Variants in ADGRV1 observed in about 807,000 individuals in gnomAD.
ADGRV1 encodes adhesion G protein-coupled receptor V1.
A neutral mutation model predicts 596.2 loss-of-function variants in ADGRV1; 359 were observed. The observed-to-expected ratio is 0.60, with a 90% confidence interval of 0.55 to 0.66. The LOEUF (loss-of-function observed/expected upper bound fraction) is 0.66. Ranked by LOEUF, ADGRV1 falls within the 30% of genes least tolerant of loss-of-function variation. ADGRV1 has a pLI of 0.00. For missense variants in ADGRV1, 7,274 were observed against 7,575.6 expected (o/e 0.96, Z 1.48); for synonymous variants, 2,681 against 2,679.2 (o/e 1.00, Z -0.02).
At chr5:90,652,226 A>C in intron 18 of ADGRV1, 120 bp from the exon 19 acceptor site, 14 of 581,662 alleles carry the variant, frequency 2.4e-5, no homozygotes, top group Non-Finnish European at 3.7e-5. Context: ...GCCTCGTAGA[A>C]CCAGCTGGTT....
chr5:90,916,808 A>AT (rs373000989), intron 83 of ADGRV1, among the ~76,000 whole-genome samples: 44,776 of 142,542 alleles, frequency 0.31, 6,958 homozygotes, highest in Non-Finnish European at 0.35. Context: ...AATTTTTTGT[A>AT]TTTTTAGTAG....
intron 21 of ADGRV1, among the ~76,000 whole-genome samples, chr5:90,665,221 C>T (rs1014218634): frequency 1.3e-5 from 2 of 151,960 alleles, no homozygotes; most frequent in Admixed American, 6.6e-5. Flanking sequence ...TGGTAGAATT[C>T]GGCTGTGAAT....
chr5:90,769,765 T>C (rs1407189655), intron 59 of ADGRV1, among the ~76,000 whole-genome samples: 1 of 152,200 alleles, frequency 6.6e-6, no homozygotes, highest in Non-Finnish European at 1.5e-5. Flanking sequence ...ATATATACAT[T>C]TAAAAAATTT....
At chr5:90,713,101 A>G (rs1303135692) in intron 42 of ADGRV1, among the ~76,000 whole-genome samples, 1 of 152,082 alleles carries the variant, frequency 6.6e-6, no homozygotes, top group East Asian at 1.9e-4. Context: ...AGCCAAATGA[A>G]TTTCAAGGAT....
At chr5:90,957,910 G>C (rs1777624964) in intron 83 of ADGRV1, among the ~76,000 whole-genome samples, 1 of 151,718 alleles carries the variant, frequency 6.6e-6, no homozygotes, top group Non-Finnish European at 1.5e-5. Context: ...TACAATGTTA[G>C]CAAGTCAAAA....
chr5:90,989,167 C>T (rs374400475), intron 85 of ADGRV1, among the ~76,000 whole-genome samples: 2 of 151,762 alleles, frequency 1.3e-5, no homozygotes, highest in Non-Finnish European at 2.9e-5. Context: ...GTAATGGGAT[C>T]GCTGGGTCAA....
chr5:91,035,119 T>C (rs1314284444), intron 85 of ADGRV1, among the ~76,000 whole-genome samples: 1 of 152,170 alleles, frequency 6.6e-6, no homozygotes, highest in Non-Finnish European at 1.5e-5. Context: ...TTGCAATGGC[T>C]CTGTTTCTCC....
intron 1 of ADGRV1, among the ~76,000 whole-genome samples, chr5:90,590,085 A>G (rs1033336997): frequency 1.3e-5 from 2 of 152,306 alleles, no homozygotes; most frequent in Middle Eastern, 3.4e-3. Context: ...TTATTATTTT[A>G]AATAATTATA....
At position 90,777,825 on chromosome 5, in the gene ADGRV1, C is replaced by T. The variant is rs567812860; in HGVS notation, c.12528-80C>T. 4.8e-5 allele frequency: 60 copies of T among 1,244,868 alleles called. No individual in the cohort carries two copies. The Middle Eastern group carries it at 1.4e-3, about 29-fold the overall frequency. 77.1% of individuals were successfully genotyped at this position (1,244,868 alleles called of 1,614,324 possible). ...TATTGAAATGGATGAAAATTGATTA[C>T]TGTTAAAAGACAGAGAAAATGTTTA... On this transcript the variant is annotated intron_variant, in intron 61 of 89. Transcript: ENST00000405460.
intron 87 of ADGRV1, among the ~76,000 whole-genome samples, chr5:91,140,555 T>G (rs6873467): frequency 0.21 from 32,081 of 152,082 alleles, 4,477 homozygotes; most frequent in African/African-American, 0.39. Context: ...CAGTTTTTAT[T>G]AAAACTTTTT....
chr5:91,133,679 C>T (rs776515832), intron 87 of ADGRV1, among the ~76,000 whole-genome samples: 12 of 152,146 alleles, frequency 7.9e-5, no homozygotes, highest in Admixed American at 2.6e-4. Context: ...CATACATAAA[C>T]GCAATGAGAT....
intron 83 of ADGRV1, among the ~76,000 whole-genome samples, chr5:90,925,381 C>G (rs1178749070): frequency 2.0e-5 from 3 of 151,680 alleles, no homozygotes; most frequent in Admixed American, 6.6e-5. Flanking sequence ...GTATTTTATT[C>G]TCTTTGAAGC....
At chr5:90,954,259 C>G (rs1777290060) in intron 83 of ADGRV1, among the ~76,000 whole-genome samples, 1 of 150,208 alleles carries the variant, frequency 6.7e-6, no homozygotes, top group Non-Finnish European at 1.5e-5. Context: ...CCTTAAAGCA[C>G]TTTGCTAATG....
chr5:90,615,552 A>G lies in ADGRV1; in HGVS notation c.207+533A>G, dbSNP rs73181603. ...ATTGTGTGTGCATAAGTATGTGTCT[A>G]TTTTTAACCAGAAAGTTATGTCATG... On this transcript the variant is annotated intron_variant, in intron 2 of 89. Transcript: ENST00000405460. 7.8e-3 allele frequency among the ~76,000 whole-genome samples: 1,184 copies of G among 152,040 alleles called. 10 individuals carry two copies. Among genetic ancestry groups the G allele is most frequent in the African/African-American group, 0.02 (822 of 41,550 alleles).
chr5:90,852,479 T>C (rs954475433), intron 79 of ADGRV1, among the ~76,000 whole-genome samples: 4 of 152,318 alleles, frequency 2.6e-5, no homozygotes, highest in African/African-American at 9.6e-5. Flanking sequence ...TCTGTGTGTC[T>C]CCTGATTGTT....
At chr5:90,611,125 C>T (rs1762683689) in intron 1 of ADGRV1, among the ~76,000 whole-genome samples, 2 of 151,820 alleles carry the variant, frequency 1.3e-5, no homozygotes, top group South Asian at 4.2e-4. Flanking sequence ...CAGGGCGTTG[C>T]ATGATGTACA....
In ADGRV1 at chr5:90,711,164, G is replaced by GT. The variant is rs769882518; in HGVS notation, c.8904-13dup. The GT allele has an allele frequency of 1.2e-5, 19 of 1,587,688 alleles. No individual in the cohort carries two copies. Among genetic ancestry groups the GT allele is most frequent in the South Asian group, 1.2e-5 (1 of 85,534 alleles). ...AAATTAATTTTTTTTGTTTGTTTTT[G>GT]TTTTTTTGCTATATTATAGGTTTGA... On this transcript the variant is annotated intron_variant, in intron 40 of 89. Transcript: ENST00000405460.
At chr5:90,693,137 G>GTTTTTTTTTTTT (rs138813234) in intron 32 of ADGRV1, among the ~76,000 whole-genome samples, 7 of 131,766 alleles carry the variant, frequency 5.3e-5, no homozygotes, top group African/African-American at 5.8e-5. Flanking sequence ...TTCCAGGTCT[G>GTTTTTTTTTTTT]TTTTTTTTTT....
intron 50 of ADGRV1, among the ~76,000 whole-genome samples, chr5:90,735,351 C>G (rs1182493100): frequency 6.6e-6 from 1 of 152,176 alleles, no homozygotes; most frequent in Non-Finnish European, 1.5e-5. Context: ...TCTGGGCTTT[C>G]TATCCTATCC....
Sources: gnomAD v4.1 joint callset for allele counts (sites outside exome capture counted in the v4.1 genomes callset) on GRCh38, gnomAD v4.1.1 for gene constraint, MANE v1.5 for transcripts, NCBI Gene and HGNC (gene_info 2026-07-23, HGNC 2026-07-21) for gene names.